CADM2: variants seen among roughly 807,000 people sequenced by gnomAD.
The protein encoded by CADM2 is immunoglobulin superfamily member 4D.
In CADM2, 12 loss-of-function variants were observed where a neutral mutation model predicts 49.8. That is an observed-to-expected ratio of 0.24 (90% CI 0.15 to 0.39). The LOEUF is 0.39. Ranked by LOEUF, CADM2 falls within the 10% of genes least tolerant of loss-of-function variation. The pLI, the probability that CADM2 is intolerant of heterozygous loss-of-function variation, is 1.00. For synonymous variants in CADM2, 214 were observed against 175.4 expected, an observed-to-expected ratio of 1.22 and a Z score of -1.74; for missense variants, 378 against 492.3, an observed-to-expected ratio of 0.77 and a Z score of 2.20.
chr3:85,667,439 G>A (rs774431487), intron 1 of CADM2, among the ~76,000 whole-genome samples: 1 of 151,950 alleles, frequency 6.6e-6, no homozygotes, highest in Non-Finnish European at 1.5e-5. Context: ...ATTCAGTCAA[G>A]ACTAACCACA....
chr3:85,953,510 T>A (rs749688261), intron 7 of CADM2, among the ~76,000 whole-genome samples: 4 of 150,938 alleles, frequency 2.7e-5, no homozygotes, highest in Non-Finnish European at 4.5e-5. Flanking sequence ...GTCAAAATTC[T>A]GCTATAATTA....
intron 1 of CADM2, among the ~76,000 whole-genome samples, chr3:85,174,124 C>A (rs761887820): frequency 1.3e-5 from 2 of 152,110 alleles, no homozygotes; most frequent in African/African-American, 4.8e-5. Context: ...CATTGTTGGG[C>A]AGCTCTCAGG....
intron 1 of CADM2, among the ~76,000 whole-genome samples, chr3:85,107,593 C>CTT (rs60176589): frequency 2.8e-5 from 4 of 141,580 alleles, no homozygotes; most frequent in Non-Finnish European, 4.8e-5. Flanking sequence ...TCTTTTCTTT[C>CTT]TTTCTTTCTC....
intron 5 of CADM2, among the ~76,000 whole-genome samples, chr3:85,906,637 A>G (rs528672090): frequency 5.5e-4 from 83 of 152,244 alleles, no homozygotes; most frequent in African/African-American, 1.9e-3. Flanking sequence ...TTCAGACAGG[A>G]ATTGTATGAA....
At chr3:85,103,849 C>T (rs568466429) in intron 1 of CADM2, among the ~76,000 whole-genome samples, 9 of 151,848 alleles carry the variant, frequency 5.9e-5, no homozygotes, top group Non-Finnish European at 8.8e-5. Context: ...CATTGTGTGG[C>T]GGAGGAATGT....
intron 1 of CADM2, among the ~76,000 whole-genome samples, chr3:85,410,127 T>A (rs927412190): frequency 5.9e-5 from 9 of 152,152 alleles, no homozygotes; most frequent in Admixed American, 5.2e-4. Context: ...GGTTAGAAAA[T>A]GTAGAACAGA....
At chr3:85,855,916 A>G (rs1211302614) in intron 3 of CADM2, among the ~76,000 whole-genome samples, 1 of 152,042 alleles carries the variant, frequency 6.6e-6, no homozygotes, top group Non-Finnish European at 1.5e-5. Flanking sequence ...GTGAGCCACC[A>G]TGCCCGGCCA....
chr3:85,302,582 A>G (rs1368424779), intron 1 of CADM2, among the ~76,000 whole-genome samples: 2 of 152,062 alleles, frequency 1.3e-5, no homozygotes, highest in Non-Finnish European at 2.9e-5. Flanking sequence ...TCATGTATTT[A>G]TATGTGTAAA....
intron 1 of CADM2, among the ~76,000 whole-genome samples, chr3:85,076,024 G>A (rs1229883815): frequency 6.6e-6 from 1 of 150,514 alleles, no homozygotes; most frequent in Non-Finnish European, 1.5e-5. Flanking sequence ...AAAAACAACT[G>A]TATATCTTTT....
chr3:85,651,482 T>C (rs1427805232), intron 1 of CADM2, among the ~76,000 whole-genome samples: 3 of 152,076 alleles, frequency 2.0e-5, no homozygotes, highest in Non-Finnish European at 4.4e-5. Flanking sequence ...GAAGGAATTT[T>C]ACAAAAAAGA....
chr3:84,965,781 T>C (rs980195770), intron 1 of CADM2, among the ~76,000 whole-genome samples: 2 of 152,220 alleles, frequency 1.3e-5, no homozygotes, highest in African/African-American at 4.8e-5. Context: ...TCCTGTACTA[T>C]GAAAATATAG....
intron 1 of CADM2, among the ~76,000 whole-genome samples, chr3:85,404,846 A>T (rs2035296368): frequency 6.6e-6 from 1 of 152,148 alleles, no homozygotes; most frequent in African/African-American, 2.4e-5. Flanking sequence ...CACGTGTTTT[A>T]AAGTTTGTTA....
intron 5 of CADM2, among the ~76,000 whole-genome samples, chr3:85,897,490 C>G (rs1715409793): frequency 6.7e-6 from 1 of 150,062 alleles, no homozygotes. Context: ...AGGATGGTCT[C>G]GATCTCCTGA....
chr3:85,149,123 A>G (rs1397828481), intron 1 of CADM2, among the ~76,000 whole-genome samples: 1 of 152,136 alleles, frequency 6.6e-6, no homozygotes, highest in African/African-American at 2.4e-5. Context: ...AAAATCAATA[A>G]TTAGAAAAAT....
At chr3:85,574,421 C>T (rs1010333065) in intron 1 of CADM2, among the ~76,000 whole-genome samples, 3 of 152,170 alleles carry the variant, frequency 2.0e-5, no homozygotes, top group Non-Finnish European at 4.4e-5. Context: ...TTGGTGTGTT[C>T]TCTTCATTTT....
intron 1 of CADM2, among the ~76,000 whole-genome samples, chr3:85,405,972 GC>G (rs1215256910): frequency 6.6e-6 from 1 of 151,712 alleles, no homozygotes; most frequent in African/African-American, 2.4e-5. Context: ...ATAGATATAT[GC>G]GTGCATATAT....
intron 8 of CADM2, among the ~76,000 whole-genome samples, chr3:86,024,580 A>G (rs1176171978): frequency 6.6e-6 from 1 of 152,220 alleles, no homozygotes; most frequent in Non-Finnish European, 1.5e-5. Flanking sequence ...TCTGCCATTA[A>G]TACATTGAAT....
At chr3:85,172,622 T>A (rs1037260406) in intron 1 of CADM2, among the ~76,000 whole-genome samples, 2 of 151,876 alleles carry the variant, frequency 1.3e-5, no homozygotes, top group African/African-American at 4.8e-5. Context: ...AGGAACTAAC[T>A]TGTGAGAGTC....
chr3:84,961,524 C>A (rs2030514484), intron 1 of CADM2, among the ~76,000 whole-genome samples: 1 of 152,184 alleles, frequency 6.6e-6, no homozygotes, highest in Non-Finnish European at 1.5e-5. Flanking sequence ...GGGTGTCTGA[C>A]ACGTTACTTA....
Sources: gnomAD v4.1 joint callset for allele counts (sites outside exome capture counted in the v4.1 genomes callset) on GRCh38, gnomAD v4.1.1 for gene constraint, MANE v1.5 for transcripts, NCBI Gene and HGNC (gene_info 2026-07-23, HGNC 2026-07-21) for gene names.